TMED3: variants seen among roughly 807,000 people sequenced by gnomAD.
TMED3 encodes transmembrane p24 trafficking protein 3.
Under a neutral mutation model 15.0 loss-of-function variants are expected in TMED3, and 9 were observed. The ratio of observed to expected loss-of-function variants is 0.60; its 90% CI spans 0.36 to 1.04. The LOEUF is 1.04. Among genes scored for constraint, TMED3 ranks in the 50% least tolerant of loss-of-function variants. The probability of loss-of-function intolerance (pLI) is 0.01; values close to 1 mark genes in which losing one functional copy is unlikely to be tolerated. For missense variants in TMED3, 267 were observed against 278.9 expected, an observed-to-expected ratio of 0.96 and a Z score of 0.30; for synonymous variants, 117 against 121.4, an observed-to-expected ratio of 0.96 and a Z score of 0.24.
rs184366674 is a variant in TMED3 at position 79,351,080 on chromosome 15, A to G, written c.417+37075A>G. On this transcript the variant is annotated intron_variant, in intron 2 of 2. Coordinates refer to the TMED3 transcript ENST00000424155. ...GAGGAGTCATGGCTAAGTGACCTCA[A>G]TGTTACTGTATTTATTGTCTAGTAT... 1.7e-3 allele frequency among the ~76,000 whole-genome samples: 253 copies of G among 152,310 alleles called. 2 individuals carry two copies. The highest frequency in any genetic ancestry group is 5.6e-3 in the African/African-American group (234 of 41,556).
intron 2 of TMED3, among the ~76,000 whole-genome samples, chr15:79,375,180 A>G (rs1359756507): frequency 6.6e-6 from 1 of 152,126 alleles, no homozygotes; most frequent in East Asian, 1.9e-4. Context: ...GCCAGGTGCA[A>G]CTTCCCAGTT....
chr15:79,346,854 A>G (rs1398838543), intron 2 of TMED3, among the ~76,000 whole-genome samples: 2 of 152,142 alleles, frequency 1.3e-5, no homozygotes, highest in African/African-American at 4.8e-5. Flanking sequence ...TTGAAACATC[A>G]TCAATAATGA....
Position 79,322,329 on chromosome 15 carries a change from G to A in TMED3, c.*115G>A. 5 of 1,502,850 alleles carry A rather than the reference G, an allele frequency of 3.3e-6. No homozygotes were observed. The South Asian group carries it at 4.1e-5, about 12-fold the overall frequency. The allele number at this position is 1,502,850 out of a possible 1,614,324, so 93.1% of individuals were successfully genotyped here. A position where few individuals can be genotyped will look rare whatever the true frequency, so the allele number is the denominator to read the frequency against. On this transcript the variant is annotated 3_prime_UTR_variant, in exon 3 of 3. Transcript: ENST00000299705. The stretch of plus-strand genomic sequence containing the variant: ...GGTGGAGGCAGAACGATGCTGCTGT[G>A]GTAGCCCTTTGCCTTTCATGCCCAT...
rs180716858 is a variant in TMED3, at chr15:79,366,827, G to A, written c.418-44573G>A. The stretch of plus-strand genomic sequence containing the variant: ...TTAGCTGTGTGACTTTGAGGAAGGA[G>A]TTGGACTCTTTTTCACTTTTCAGCA... On this transcript the variant is annotated intron_variant, in intron 2 of 2. Coordinates refer to the TMED3 transcript ENST00000424155. Among the ~76,000 whole-genome samples the A allele has an allele frequency of 2.4e-3, 371 of 152,302 alleles. 2 individuals carry two copies. The highest frequency in any genetic ancestry group is 8.4e-3 in the African/African-American group (351 of 41,572).
chr15:79,313,502 C>A (rs1044442885), intron 1 of TMED3, among the ~76,000 whole-genome samples: 7 of 152,178 alleles, frequency 4.6e-5, no homozygotes, highest in Admixed American at 4.6e-4. Flanking sequence ...TCATTGAAAC[C>A]CTGCAGAGCA....
At chr15:79,317,131 T>TA (rs911081246) in intron 2 of TMED3, among the ~76,000 whole-genome samples, 2 of 152,204 alleles carry the variant, frequency 1.3e-5, no homozygotes, top group African/African-American at 4.8e-5. Context: ...GTTGCTCCGT[T>TA]ACCCTCTTGG....
chr15:79,330,672 T>C (rs949177999), intron 2 of TMED3, among the ~76,000 whole-genome samples: 4 of 152,164 alleles, frequency 2.6e-5, no homozygotes, highest in African/African-American at 9.7e-5. Flanking sequence ...CTCAGAAATA[T>C]TTTTAAAATC....
At chr15:79,388,841 T>C (rs988221907) in intron 2 of TMED3, among the ~76,000 whole-genome samples, 1 of 152,206 alleles carries the variant, frequency 6.6e-6, no homozygotes, top group Non-Finnish European at 1.5e-5. Context: ...CCCTGATCAT[T>C]AGTGATGTTA....
chr15:79,330,312 T>C (rs1324086147), intron 2 of TMED3, among the ~76,000 whole-genome samples: 3 of 152,172 alleles, frequency 2.0e-5, no homozygotes, highest in African/African-American at 7.2e-5. Flanking sequence ...CAGAAAACTA[T>C]TAAAATTGAC....
chr15:79,331,184 T>C (rs1286886665), intron 2 of TMED3, among the ~76,000 whole-genome samples: 2 of 152,162 alleles, frequency 1.3e-5, no homozygotes, highest in Non-Finnish European at 2.9e-5. Context: ...ATCTAATCAC[T>C]TCCCAGCAGG....
downstream of TMED3, among the ~76,000 whole-genome samples, chr15:79,323,377 T>C (rs1366148918): frequency 6.6e-6 from 1 of 152,246 alleles, no homozygotes; most frequent in Non-Finnish European, 1.5e-5. Context: ...ATAATCTCTT[T>C]AAAAGGATAC....
At chr15:79,311,707 A>G (rs913841211) in intron 1 of TMED3, among the ~76,000 whole-genome samples, 1 of 151,944 alleles carries the variant, frequency 6.6e-6, no homozygotes, top group African/African-American at 2.4e-5. Flanking sequence ...GGCCAAAGAG[A>G]TATCCGCAGG....
intron 2 of TMED3, among the ~76,000 whole-genome samples, chr15:79,402,832 G>T (rs76672977): frequency 0.022 from 3,270 of 152,016 alleles, 122 homozygotes; most frequent in African/African-American, 0.075. Flanking sequence ...CAAGGAATAG[G>T]AGGTAAAGCA....
chr15:79,318,313 C>G (rs913902331), intron 2 of TMED3, among the ~76,000 whole-genome samples: 2 of 152,198 alleles, frequency 1.3e-5, no homozygotes, highest in African/African-American at 2.4e-5. Flanking sequence ...TTCTGAGACC[C>G]AGGACTGTGT....
At chr15:79,385,699 G>A (rs1893617992) in intron 2 of TMED3, among the ~76,000 whole-genome samples, 1 of 152,158 alleles carries the variant, frequency 6.6e-6, no homozygotes, top group South Asian at 2.1e-4. Flanking sequence ...CAGATCCACA[G>A]CCACAGTTTG....
intron 2 of TMED3, among the ~76,000 whole-genome samples, chr15:79,341,406 G>T (rs537896471): frequency 6.6e-6 from 1 of 152,146 alleles, no homozygotes; most frequent in African/African-American, 2.4e-5. Flanking sequence ...GCAAGGGCCA[G>T]CAAAGGAGCC....
chr15:79,400,341 A>T (rs192832138), intron 2 of TMED3, among the ~76,000 whole-genome samples: 138 of 152,290 alleles, frequency 9.1e-4, no homozygotes, highest in South Asian at 4.6e-3. Context: ...GGTGATCTGT[A>T]ATCACTTAAT....
intron 2 of TMED3, among the ~76,000 whole-genome samples, chr15:79,385,818 A>C (rs1438101118): frequency 2.0e-5 from 3 of 152,218 alleles, no homozygotes; most frequent in Non-Finnish European, 4.4e-5. Flanking sequence ...GAAGGGGCAG[A>C]GCTCCCACTG....
chr15:79,312,274 C>G (rs2058719064), intron 1 of TMED3, among the ~76,000 whole-genome samples: 2 of 152,180 alleles, frequency 1.3e-5, no homozygotes, highest in South Asian at 2.1e-4. Context: ...AGGAAGCTTG[C>G]GCTTGGAGAC....
Sources: allele counts gnomAD v4.1 joint callset (sites outside exome capture counted in the v4.1 genomes callset), GRCh38; gene constraint gnomAD v4.1.1; transcripts MANE v1.5; gene names NCBI Gene and HGNC (gene_info 2026-07-23, HGNC 2026-07-21).